Variants in PKN2 observed in about 807,000 individuals in gnomAD.
PKN2 encodes the protein protein kinase N2.
A neutral mutation model predicts 119.1 loss-of-function variants in PKN2; 38 were observed. The ratio of observed to expected loss-of-function variants is 0.32; its 90% CI spans 0.25 to 0.42. The LOEUF is 0.42. PKN2 is among the 10% of genes least tolerant of loss of function. The pLI is 1.00. For missense variants in PKN2, 850 were observed against 1,165.1 expected, an observed-to-expected ratio of 0.73 and a Z score of 3.94; for synonymous variants, 390 against 384.9, an observed-to-expected ratio of 1.01 and a Z score of -0.15.
At chr1:88,761,200 T>G (rs1468119733) in intron 3 of PKN2, among the ~76,000 whole-genome samples, 1 of 152,212 alleles carries the variant, frequency 6.6e-6, no homozygotes, top group African/African-American at 2.4e-5. Flanking sequence ...CTGAACCAGA[T>G]TATCCTCAAG....
At chr1:88,817,953 T>G (rs944805929) in intron 16 of PKN2, among the ~76,000 whole-genome samples, 1 of 152,192 alleles carries the variant, frequency 6.6e-6, no homozygotes, top group Non-Finnish European at 1.5e-5. Context: ...GGAGATGACA[T>G]GATTATATAT....
chr1:88,731,841 T>A (rs1272278334), intron 1 of PKN2, among the ~76,000 whole-genome samples: 1 of 152,232 alleles, frequency 6.6e-6, no homozygotes, highest in East Asian at 1.9e-4. Context: ...TCCATTTTCA[T>A]TTTGTTCTTT....
intron 1 of PKN2, among the ~76,000 whole-genome samples, chr1:88,693,496 T>G (rs1164838555): frequency 6.6e-6 from 1 of 152,198 alleles, no homozygotes; most frequent in East Asian, 1.9e-4. Context: ...CAAAATAACT[T>G]ATAATGAAAC....
chr1:88,798,118 A>G (rs1313355484), intron 8 of PKN2, among the ~76,000 whole-genome samples: 1 of 147,386 alleles, frequency 6.8e-6, no homozygotes, highest in African/African-American at 2.7e-5. Flanking sequence ...GAGACAAAAT[A>G]AAAAACTATT....
intron 2 of PKN2, 112 bp downstream of exon 2, chr1:88,741,400 G>T: frequency 1.5e-6 from 1 of 655,662 alleles, no homozygotes; most frequent in Non-Finnish European, 2.4e-6. Flanking sequence ...TCTGAAAGTA[G>T]AGAGACTTTT....
chr1:88,798,361 A>T (rs1206466481), intron 8 of PKN2, among the ~76,000 whole-genome samples: 1 of 151,986 alleles, frequency 6.6e-6, no homozygotes, highest in African/African-American at 2.4e-5. Flanking sequence ...GATGAGCCAA[A>T]AAGACTAAGC....
chr1:88,684,831 G>C (rs1666011560), intron 1 of PKN2: 1 of 505,382 alleles, frequency 2.0e-6, no homozygotes, highest in South Asian at 2.7e-5. Context: ...CCAAAGCCCT[G>C]GCCTGCCACC....
intron 1 of PKN2, among the ~76,000 whole-genome samples, chr1:88,738,172 C>CAA: frequency 2.8e-5 from 1 of 35,224 alleles, no homozygotes; most frequent in Admixed American, 2.5e-4. Flanking sequence ...CATTAAAAAA[C>CAA]AAACAAACAA....
intron 1 of PKN2, among the ~76,000 whole-genome samples, chr1:88,685,872 T>C (rs1338742871): frequency 1.3e-5 from 2 of 152,208 alleles, no homozygotes; most frequent in African/African-American, 2.4e-5. Context: ...GAAATCTCTT[T>C]ATAAGTTTGG....
chr1:88,747,062 C>T (rs903193800), intron 2 of PKN2, among the ~76,000 whole-genome samples: 3 of 151,954 alleles, frequency 2.0e-5, no homozygotes, highest in African/African-American at 4.8e-5. Context: ...AATTCATTGA[C>T]GTAGAAGAGA....
At chr1:88,753,704 A>G (rs1390003278) in intron 2 of PKN2, among the ~76,000 whole-genome samples, 1 of 151,642 alleles carries the variant, frequency 6.6e-6, no homozygotes, top group African/African-American at 2.4e-5. Context: ...GGGGCTACAC[A>G]CTTTTAAACA....
At chr1:88,798,282 G>A (rs532929237) in intron 8 of PKN2, among the ~76,000 whole-genome samples, 39 of 151,592 alleles carry the variant, frequency 2.6e-4, no homozygotes, top group Admixed American at 2.6e-3. Context: ...TAAAGTTTGT[G>A]TTTAAATATT....
chr1:88,770,345 T>C lies in PKN2; in HGVS notation c.505-7T>C. 1 of 1,563,190 alleles carries C rather than the reference T, an allele frequency of 6.4e-7. No homozygotes were observed. Among genetic ancestry groups the C allele is most frequent in the Non-Finnish European group, 8.8e-7 (1 of 1,135,254 alleles). On this transcript the variant is annotated splice_region_variant and splice_polypyrimidine_tract_variant and intron_variant, in intron 3 of 21. Coordinates refer to ENST00000370521, the MANE Select transcript of PKN2 (RefSeq NM_006256.4). The stretch of plus-strand genomic sequence containing the variant: ...TGCTTAATTTTTCAAACTTATTTTT[T>C]TAATAGGATCGGAAACTCCATGGTA...
Position 88,807,760 on chromosome 1 carries a change from G to A in PKN2, c.2087G>A (p.Arg696Gln), listed in dbSNP as rs756311106. 4 of 1,584,606 alleles carry A rather than the reference G, an allele frequency of 2.5e-6. No individual in the cohort carries two copies. Among genetic ancestry groups the A allele is most frequent in the South Asian group, 1.2e-5 (1 of 86,932 alleles). The change falls in exon 15 of 22, where the codon CGA (arginine) becomes CAA (glutamine). Residue 696 changes from arginine (R) to glutamine (Q), a missense_variant. Around this residue, in one of 9 missense-constraint regions of PKN2, gnomAD observed 216 missense variants for 252.8 expected, o/e 0.85. Transcript: ENST00000370521. Reference sequence around the variant, plus strand: ...TTAAAGAAAGGAGATATTGTGGCTCGAGATGAAGTAGACAGGTTAGTTTTT... The same window carrying A: ...TTAAAGAAAGGAGATATTGTGGCTCAAGATGAAGTAGACAGGTTAGTTTTT... ...KALKKGDIVA[R>Q]DEVDSLMCEK...
At chr1:88,738,518 G>T (rs939444419) in intron 1 of PKN2, among the ~76,000 whole-genome samples, 10 of 152,216 alleles carry the variant, frequency 6.6e-5, no homozygotes, top group Admixed American at 1.3e-4. Flanking sequence ...TTGAAGTAAA[G>T]TTTTATAATT....
intron 1 of PKN2, among the ~76,000 whole-genome samples, chr1:88,716,807 A>G (rs1279140179): frequency 6.6e-6 from 1 of 152,112 alleles, no homozygotes; most frequent in African/African-American, 2.4e-5. Context: ...TAAGGTTAAT[A>G]TTGTTATGTG....
chr1:88,797,199 TG>T (rs1671107270), intron 8 of PKN2, among the ~76,000 whole-genome samples: 1 of 151,726 alleles, frequency 6.6e-6, no homozygotes, highest in African/African-American at 2.4e-5. Flanking sequence ...CCATGTGTGG[TG>T]GCAAGCGCCT....
chr1:88,771,410 TTCC>T lies in PKN2; in HGVS notation c.623-9_623-7del. ...TAAATGGTGCAATTAAAATTTTTTT[TTCC>T]TTTCTAGCAAAACCTGTGATAAGTC... On this transcript the variant is annotated splice_polypyrimidine_tract_variant and splice_region_variant and intron_variant, in intron 4 of 21. Transcript: ENST00000370521. The T allele has an allele frequency of 6.4e-7, 1 of 1,571,034 alleles. No individual in the cohort carries two copies. Among genetic ancestry groups the T allele is most frequent in the African/African-American group, 1.4e-5 (1 of 72,748 alleles).
At position 88,684,489 on chromosome 1, in the gene PKN2, C is replaced by A; in HGVS notation, c.-92C>A. On this transcript the variant is annotated 5_prime_UTR_variant, in exon 1 of 22. Coordinates refer to ENST00000370521, the MANE Select transcript of PKN2 (RefSeq NM_006256.4). ...GTTGTTTTTTTTTTTTTCTTTCTCT[C>A]CCCTCTCCTCACCCCCACCCCGAGC... The A allele has an allele frequency of 8.9e-6, 8 of 902,262 alleles. No homozygotes were observed. The highest frequency in any genetic ancestry group is 1.8e-5 in the African/African-American group (1 of 56,864). The allele number at this position is 902,262 out of a possible 1,614,324, so 55.9% of individuals were successfully genotyped here. A position where few individuals can be genotyped will look rare whatever the true frequency, so the allele number is the denominator to read the frequency against.
Sources: allele counts gnomAD v4.1 joint callset (sites outside exome capture counted in the v4.1 genomes callset), GRCh38; gene constraint gnomAD v4.1.1; regional missense constraint gnomAD v4.1.1; transcripts MANE v1.5; gene names NCBI Gene and HGNC (gene_info 2026-07-23, HGNC 2026-07-21).